Variants in FIBCD1 observed in about 807,000 individuals in gnomAD.
The protein encoded by FIBCD1 is fibrinogen C domain-containing protein 1.
FIBCD1 carries 47 observed loss-of-function variants against 45.1 expected under a neutral mutation model. The ratio of observed to expected loss-of-function variants is 1.04; its 90% CI spans 0.82 to 1.33. The LOEUF (loss-of-function observed/expected upper bound fraction) is 1.33. FIBCD1 is among the 40% of genes most tolerant of loss of function. The pLI, the probability that FIBCD1 is intolerant of heterozygous loss-of-function variation, is 0.00. For missense variants in FIBCD1, 653 were observed against 682.2 expected (o/e 0.96, Z 0.48); for synonymous variants, 313 against 308.1 (o/e 1.02, Z -0.17).
chr9:130,929,580 C>A lies in FIBCD1; in HGVS notation c.539G>T (p.Gly180Val). ...QGLSALQSEQ[G>V]RLIQLLSESQ... ...CCCCAGCCCTACCTGGATGAGGCGG[C>A]CCTGCTCACTCTGCAGGGCGCTGAG... Residue 180 changes from glycine to valine, a missense_variant, in exon 2 of 7, where the codon GGC becomes GTC. Physicochemically the swap from Gly to Val is moderately radical, Grantham distance 109 (BLOSUM62 -3). Coordinates refer to ENST00000372338, the MANE Select transcript of FIBCD1 (RefSeq NM_032843.5). 6.6e-7 allele frequency: 1 copy of A among 1,507,962 alleles called. No homozygotes were observed. Among genetic ancestry groups the A allele is most frequent in the Non-Finnish European group, 8.8e-7 (1 of 1,131,050 alleles). The allele number at this position is 1,507,962 out of a possible 1,614,324, so 93.4% of individuals were successfully genotyped here. A position where few individuals can be genotyped will look rare whatever the true frequency, so the allele number is the denominator to read the frequency against.
At position 130,923,857 on chromosome 9, in the gene FIBCD1, C is replaced by G; in HGVS notation, c.736G>C (p.Asp246His). 2 of 1,612,740 alleles carry G rather than the reference C, an allele frequency of 1.2e-6. No homozygotes were observed. Among genetic ancestry groups the G allele is most frequent in the Non-Finnish European group, 1.7e-6 (2 of 1,179,986 alleles). The change falls in exon 4 of 7, where the codon GAC (aspartate) becomes CAC (histidine). Residue 246 changes from aspartate (D) to histidine (H), a missense_variant. Asp to His is a moderately conservative substitution (Grantham distance 81). Coordinates refer to ENST00000372338, the MANE Select transcript of FIBCD1 (RefSeq NM_032843.5). ...ATGSRPRDCL[D>H]VLLSGQQDDG... ...TCCTGCTGTCCGCTTAGGAGGACGT[C>G]CAGACAGTCTCGGGGCCGGGAGCCT...
intron 6 of FIBCD1, 48 bp from the exon 7 acceptor site, chr9:130,904,371 C>T (rs1466647447): frequency 1.3e-6 from 2 of 1,551,752 alleles, no homozygotes; most frequent in Non-Finnish European, 1.7e-6. Context: ...ACGGGTACAC[C>T]CACTGGTGTT....
intron 5 of FIBCD1, among the ~76,000 whole-genome samples, chr9:130,906,204 G>A (rs373823855): frequency 6.6e-6 from 1 of 152,240 alleles, no homozygotes; most frequent in East Asian, 1.9e-4. Flanking sequence ...CCATCCCCGG[G>A]GTCTCATGCC....
At chr9:130,934,667 G>A (rs1288341778) in intron 1 of FIBCD1, among the ~76,000 whole-genome samples, 1 of 152,176 alleles carries the variant, frequency 6.6e-6, no homozygotes, top group Non-Finnish European at 1.5e-5. Flanking sequence ...GCCCACTGGG[G>A]CCTCAAGCCC....
chr9:130,923,065 A>C (rs1564338439), intron 4 of FIBCD1, among the ~76,000 whole-genome samples: 1 of 152,186 alleles, frequency 6.6e-6, no homozygotes, highest in African/African-American at 2.4e-5. Flanking sequence ...CCCAGTATAC[A>C]GTAGGTGCTC....
chr9:130,909,569 G>A (rs1831999380), intron 5 of FIBCD1, among the ~76,000 whole-genome samples: 1 of 152,110 alleles, frequency 6.6e-6, no homozygotes, highest in African/African-American at 2.4e-5. Context: ...AGGGAATTTT[G>A]TTGTATGTAA....
chr9:130,930,009 A>G lies in FIBCD1; in HGVS notation c.110T>C (p.Leu37Pro), dbSNP rs1832420994. 2 of 1,534,476 alleles carry G rather than the reference A, an allele frequency of 1.3e-6. No individual in the cohort carries two copies. The highest frequency in any genetic ancestry group is 8.8e-7 in the Non-Finnish European group (1 of 1,140,076). Residue 37 changes from leucine (L) to proline (P), a missense_variant, in exon 2 of 7, where the codon CTG becomes CCG. By Grantham distance (98) the Leu-to-Pro change is moderately conservative. Transcript: ENST00000372338. ...SCGYVLCTVL[L>P]ALAVLLAVAV... The stretch of plus-strand genomic sequence containing the variant: ...TACAGCCAGCAGCACAGCCAGGGCC[A>G]GCAGCACGGTGCACAGCACGTAGCC...
At chr9:130,914,024 C>T (rs1588106409) in intron 4 of FIBCD1, among the ~76,000 whole-genome samples, 2 of 152,278 alleles carry the variant, frequency 1.3e-5, no homozygotes, top group Middle Eastern at 6.8e-3. Flanking sequence ...GGCCCCAGCA[C>T]CCACGTCTGT....
chr9:130,911,762 C>T (rs1167881736), intron 5 of FIBCD1, 30 bp downstream of exon 5: 4 of 1,574,006 alleles, frequency 2.5e-6, no homozygotes, highest in African/African-American at 2.7e-5. Flanking sequence ...AGGAGGCCCA[C>T]CTGGGCCGGA....
intron 2 of FIBCD1, among the ~76,000 whole-genome samples, chr9:130,927,998 AC>A (rs1832386423): frequency 6.6e-6 from 1 of 152,252 alleles, no homozygotes; most frequent in East Asian, 1.9e-4. Context: ...GGCGATTCCA[AC>A]CCAGGCTGCC....
At chr9:130,932,984 G>A (rs555775304) in intron 1 of FIBCD1, among the ~76,000 whole-genome samples, 1 of 152,264 alleles carries the variant, frequency 6.6e-6, no homozygotes, top group African/African-American at 2.4e-5. Context: ...GCGTGGCAGA[G>A]AGGTCATCCG....
chr9:130,908,780 C>A (rs1235656053), intron 5 of FIBCD1, among the ~76,000 whole-genome samples: 2 of 152,126 alleles, frequency 1.3e-5, no homozygotes, highest in Non-Finnish European at 2.9e-5. Context: ...CGGGGTGTGA[C>A]CTTCCCTGTT....
intron 4 of FIBCD1, among the ~76,000 whole-genome samples, chr9:130,919,334 G>A (rs1832218592): frequency 6.6e-6 from 1 of 152,222 alleles, no homozygotes; most frequent in Non-Finnish European, 1.5e-5. Context: ...GGGCCAGGCA[G>A]TAGCGTGGGG....
intron 4 of FIBCD1, among the ~76,000 whole-genome samples, chr9:130,913,406 C>T (rs540831555): frequency 1.9e-4 from 29 of 152,244 alleles, no homozygotes; most frequent in East Asian, 3.8e-4. Flanking sequence ...TTCAGTCGCT[C>T]GGAACTGCCC....
intron 4 of FIBCD1, among the ~76,000 whole-genome samples, chr9:130,914,888 GCT>G (rs1832130881): frequency 1.3e-5 from 2 of 152,216 alleles, no homozygotes; most frequent in African/African-American, 4.8e-5. Flanking sequence ...GGGGCTGCGT[GCT>G]CTCTGCGTGC....
chr9:130,909,760 T>TAAAA (rs34679672), intron 5 of FIBCD1, among the ~76,000 whole-genome samples: 1 of 147,166 alleles, frequency 6.8e-6, no homozygotes, highest in African/African-American at 2.5e-5. Flanking sequence ...AGTGAAATGT[T>TAAAA]AAAAAAAAAA....
intron 1 of FIBCD1, chr9:130,938,318 C>G (rs1832552202): frequency 2.3e-6 from 1 of 428,728 alleles, no homozygotes; most frequent in Admixed American, 4.6e-5. Flanking sequence ...GCCCGCAGCG[C>G]GCGTGGCTCC....
intron 5 of FIBCD1, among the ~76,000 whole-genome samples, chr9:130,911,443 C>G (rs1043229861): frequency 6.6e-6 from 1 of 152,198 alleles, no homozygotes; most frequent in African/African-American, 2.4e-5. Context: ...CTCCTCTGTC[C>G]TCCTGCTGCC....
intron 2 of FIBCD1, among the ~76,000 whole-genome samples, chr9:130,924,726 T>C (rs891856892): frequency 1.3e-5 from 2 of 152,154 alleles, no homozygotes; most frequent in African/African-American, 4.8e-5. Flanking sequence ...AAGAGTAAAC[T>C]GGAGGAGGCC....
Sources: allele counts gnomAD v4.1 joint callset (sites outside exome capture counted in the v4.1 genomes callset), GRCh38; gene constraint gnomAD v4.1.1; transcripts MANE v1.5; gene names NCBI Gene and HGNC (gene_info 2026-07-23, HGNC 2026-07-21).